Variants in PSMD14 observed in about 807,000 individuals in gnomAD.
PSMD14 encodes ubiquitin C-terminal hydrolase PSMD14.
In PSMD14, 7 loss-of-function variants were observed where a neutral mutation model predicts 41.2. That is an observed-to-expected ratio of 0.17 (90% CI 0.10 to 0.32). PSMD14 has a LOEUF of 0.32. Ranked by LOEUF, PSMD14 falls within the 10% of genes least tolerant of loss-of-function variation. The probability of loss-of-function intolerance (pLI) is 1.00; values close to 1 mark genes in which losing one functional copy is unlikely to be tolerated. For missense variants in PSMD14, 139 were observed against 375.6 expected (o/e 0.37, Z 5.21); for synonymous variants, 114 against 122.3 (o/e 0.93, Z 0.45).
chr2:161,338,008 TCTGA>T (rs1309104889), intron 3 of PSMD14, among the ~76,000 whole-genome samples: 1 of 152,222 alleles, frequency 6.6e-6, no homozygotes, highest in Non-Finnish European at 1.5e-5. Context: ...TTTGTAACTC[TCTGA>T]CTACTTAATT....
intron 8 of PSMD14, 56 bp downstream of exon 8, chr2:161,385,627 A>T (rs1367246103): frequency 3.8e-6 from 4 of 1,047,066 alleles, no homozygotes; most frequent in Admixed American, 4.3e-5. Flanking sequence ...AAAGCCTGCT[A>T]TAAGTAGTCT....
intron 10 of PSMD14, among the ~76,000 whole-genome samples, chr2:161,405,906 A>G (rs1450477597): frequency 6.6e-6 from 1 of 152,176 alleles, no homozygotes; most frequent in Non-Finnish European, 1.5e-5. Context: ...GGAATAAGAG[A>G]GATACAGGGT....
At chr2:161,411,220 A>T in intron 11 of PSMD14, 82 bp from the exon 12 acceptor site, 1 of 780,364 alleles carries the variant, frequency 1.3e-6, no homozygotes, top group Non-Finnish European at 2.0e-6. Context: ...TACTAGTTTC[A>T]TCAGCTACTG....
chr2:161,357,296 A>C (rs1683221575), intron 3 of PSMD14, among the ~76,000 whole-genome samples: 1 of 152,092 alleles, frequency 6.6e-6, no homozygotes, highest in Admixed American at 6.5e-5. Flanking sequence ...TTGCCTTTGC[A>C]GAATTCATAA....
chr2:161,312,257 C>T (rs967841593), intron 1 of PSMD14, among the ~76,000 whole-genome samples: 1 of 151,940 alleles, frequency 6.6e-6, no homozygotes, highest in Non-Finnish European at 1.5e-5. Context: ...GATTCTCCTG[C>T]CTCAGCCTCC....
intron 3 of PSMD14, among the ~76,000 whole-genome samples, chr2:161,321,470 C>A (rs1455314203): frequency 6.6e-6 from 1 of 152,170 alleles, no homozygotes; most frequent in Non-Finnish European, 1.5e-5. Context: ...TGCTACTTTA[C>A]TGGCTTGAAG....
chr2:161,367,285 TTAAG>T (rs1384521956), intron 3 of PSMD14, among the ~76,000 whole-genome samples, 189 bp from the exon 4 acceptor site: 2 of 152,196 alleles, frequency 1.3e-5, no homozygotes, highest in East Asian at 3.8e-4. Flanking sequence ...TGGCTTAGTA[TTAAG>T]TTTTACCTGT....
intron 3 of PSMD14, among the ~76,000 whole-genome samples, chr2:161,356,680 T>C (rs1425319339): frequency 6.6e-6 from 1 of 151,974 alleles, no homozygotes; most frequent in Non-Finnish European, 1.5e-5. Flanking sequence ...TAAAAATAAT[T>C]TTTAAAACAC....
At chr2:161,402,732 A>G (rs912822759) in intron 10 of PSMD14, among the ~76,000 whole-genome samples, 4 of 152,142 alleles carry the variant, frequency 2.6e-5, no homozygotes, top group Non-Finnish European at 5.9e-5. Flanking sequence ...AACTCTTGCA[A>G]TGCAGCAACA....
At chr2:161,357,118 A>G (rs1683219151) in intron 3 of PSMD14, among the ~76,000 whole-genome samples, 1 of 132,096 alleles carries the variant, frequency 7.6e-6, no homozygotes, top group Non-Finnish European at 1.6e-5. Flanking sequence ...CTACCCATGT[A>G]AAAGTCACAG....
At chr2:161,369,344 C>G (rs1683401857) in intron 5 of PSMD14, among the ~76,000 whole-genome samples, 1 of 151,932 alleles carries the variant, frequency 6.6e-6, no homozygotes, top group Non-Finnish European at 1.5e-5. Flanking sequence ...GTCTCTGTTG[C>G]ATATTCTTCT....
At chr2:161,325,852 A>G (rs562220895) in intron 3 of PSMD14, among the ~76,000 whole-genome samples, 9 of 152,266 alleles carry the variant, frequency 5.9e-5, no homozygotes, top group South Asian at 4.1e-4. Flanking sequence ...CCATCAATAT[A>G]TGGGAACTTG....
At chr2:161,393,375 T>G (rs2105267392) in intron 9 of PSMD14, among the ~76,000 whole-genome samples, 1 of 151,976 alleles carries the variant, frequency 6.6e-6, no homozygotes, top group South Asian at 2.1e-4. Flanking sequence ...CTGTGGAGGG[T>G]TTTCCTAATT....
intron 8 of PSMD14, among the ~76,000 whole-genome samples, chr2:161,389,014 C>T (rs1280302954): frequency 6.6e-6 from 1 of 152,024 alleles, no homozygotes. Context: ...TTTAAACTTA[C>T]CTTTGTTTTG....
At chr2:161,334,112 C>T (rs1682834286) in intron 3 of PSMD14, among the ~76,000 whole-genome samples, 1 of 152,170 alleles carries the variant, frequency 6.6e-6, no homozygotes, top group African/African-American at 2.4e-5. Context: ...GTGGGCGGAT[C>T]ATCTGAGGTT....
intron 3 of PSMD14, among the ~76,000 whole-genome samples, chr2:161,365,100 C>T (rs912601815): frequency 2.6e-5 from 4 of 151,948 alleles, no homozygotes; most frequent in Non-Finnish European, 5.9e-5. Context: ...AGCGAGACTC[C>T]GTCTAAAAAA....
intron 2 of PSMD14, among the ~76,000 whole-genome samples, chr2:161,317,296 C>T (rs1490774303): frequency 6.6e-6 from 1 of 152,090 alleles, no homozygotes; most frequent in Non-Finnish European, 1.5e-5. Flanking sequence ...ACCACGTTTT[C>T]TTATATGCCT....
At chr2:161,392,560 G>A (rs1415869549) in intron 9 of PSMD14, among the ~76,000 whole-genome samples, 6 of 151,938 alleles carry the variant, frequency 3.9e-5, no homozygotes, top group Non-Finnish European at 8.8e-5. Context: ...TTCTAATTTT[G>A]TTTTTTTAAG....
chr2:161,370,100 A>T lies in PSMD14; in HGVS notation c.241-7A>T. 1 of 1,555,552 alleles carries T rather than the reference A, an allele frequency of 6.4e-7. No homozygotes were observed. Among genetic ancestry groups the T allele is most frequent in the South Asian group, 1.2e-5 (1 of 81,244 alleles). On this transcript the variant is annotated splice_polypyrimidine_tract_variant and splice_region_variant and intron_variant, in intron 5 of 11. Coordinates refer to ENST00000409682, the MANE Select transcript of PSMD14 (RefSeq NM_005805.6). ...AAATTAATAATTTTTCTTTCTTTCT[A>T]AATCAGGGTGTCAGTGTGGAGGCAG...
Sources: gnomAD v4.1 joint callset for allele counts (sites outside exome capture counted in the v4.1 genomes callset) on GRCh38, gnomAD v4.1.1 for gene constraint, MANE v1.5 for transcripts, NCBI Gene and HGNC (gene_info 2026-07-23, HGNC 2026-07-21) for gene names.